Variants in NBEAL1 observed in about 807,000 individuals in gnomAD.
NBEAL1 encodes the protein neurobeachin-like protein 1.
NBEAL1 carries 273 observed loss-of-function variants against 351.3 expected under a neutral mutation model. The ratio of observed to expected loss-of-function variants is 0.78; its 90% CI spans 0.70 to 0.86. The LOEUF is 0.86. Among genes scored for constraint, NBEAL1 ranks in the 40% least tolerant of loss-of-function variants. The pLI is 0.00. For synonymous variants in NBEAL1, 1,050 were observed against 1,086.4 expected (o/e 0.97, Z 0.66); for missense variants, 2,961 against 3,201.3 (o/e 0.92, Z 1.81).
chr2:203,097,549 A>G lies in NBEAL1; in HGVS notation c.1101A>G (p.Leu367=), dbSNP rs1225507024. ...ATTCTTGTCTCTGTTTTTAACAGCTATTTTTAAATGCTAACAATAAGGTGG... is the reference window on the plus strand; with the variant it reads ...ATTCTTGTCTCTGTTTTTAACAGCTGTTTTTAAATGCTAACAATAAGGTGG... The part of the protein sequence containing the change: ...HLIRLLQNCK[L]FLNANNKVAD... Residue 367 remains leucine (L), a splice_region_variant and synonymous_variant, in exon 11 of 56, where the codon CTA becomes CTG. Coordinates refer to ENST00000683969, the MANE Select transcript of NBEAL1 (RefSeq NM_001378026.1). The G allele has an allele frequency of 9.1e-6, 9 of 983,914 alleles. No individual in the cohort carries two copies. In the South Asian group the frequency reaches 1.4e-4, roughly 15 times the overall value. The allele number at this position is 983,914 out of a possible 1,614,324, so 60.9% of individuals were successfully genotyped here. A position where few individuals can be genotyped will look rare whatever the true frequency, so the allele number is the denominator to read the frequency against.
At chr2:203,206,145 A>G (rs1559064921) in intron 51 of NBEAL1, among the ~76,000 whole-genome samples, 1 of 152,246 alleles carries the variant, frequency 6.6e-6, no homozygotes, top group Admixed American at 6.5e-5. Context: ...TGGCAGTTCA[A>G]TAAAATGGAA....
Position 203,184,955 on chromosome 2 carries a change from C to T in NBEAL1, c.6705+1567C>T, listed in dbSNP as rs894417087. Among the ~76,000 whole-genome samples, 9 of 151,698 alleles carry T rather than the reference C, an allele frequency of 5.9e-5. No individual in the cohort carries two copies. In the East Asian group the frequency reaches 1.7e-3, roughly 29 times the overall value. On this transcript the variant is annotated intron_variant, in intron 44 of 55. Coordinates refer to ENST00000683969, the MANE Select transcript of NBEAL1 (RefSeq NM_001378026.1). ...ATGATGAATTGCAGTCTGATAATAC[C>T]TGTGCCCTGGTGAACCATTAGGGAC...
chr2:203,143,412 A>C (rs2063431183), intron 31 of NBEAL1, among the ~76,000 whole-genome samples: 1 of 152,236 alleles, frequency 6.6e-6, no homozygotes, highest in Admixed American at 6.5e-5. Context: ...TTTTGATTTC[A>C]AATAACAGAA....
intron 43 of NBEAL1, 62 bp from the exon 44 acceptor site, chr2:203,183,217 T>G (rs895415229): frequency 5.5e-5 from 51 of 920,164 alleles, no homozygotes; most frequent in Non-Finnish European, 7.5e-5. Flanking sequence ...CATTAGTGTT[T>G]GTTTTACTTC....
chr2:203,189,782 T>C (rs1424060145), intron 45 of NBEAL1, among the ~76,000 whole-genome samples: 1 of 152,170 alleles, frequency 6.6e-6, no homozygotes, highest in African/African-American at 2.4e-5. Flanking sequence ...CGTTGCTGAT[T>C]TTTTTGAATT....
intron 52 of NBEAL1, 115 bp downstream of exon 52, chr2:203,208,868 A>G (rs745549030): frequency 3.8e-5 from 28 of 746,570 alleles, no homozygotes; most frequent in Non-Finnish European, 5.8e-5. Flanking sequence ...GTTATACCAT[A>G]CTTGTATAGG....
chr2:203,213,752 C>G (rs1401674742), intron 55 of NBEAL1, 99 bp downstream of exon 55: 2 of 1,540,470 alleles, frequency 1.3e-6, no homozygotes, highest in African/African-American at 2.8e-5. Context: ...TAGGGATAAA[C>G]AAATTAAAAG....
chr2:203,196,998 A>G (rs796705461), intron 47 of NBEAL1, among the ~76,000 whole-genome samples: 10 of 152,360 alleles, frequency 6.6e-5, no homozygotes, highest in African/African-American at 2.4e-4. Flanking sequence ...TATGTATGTC[A>G]GTATAACTTA....
chr2:203,195,584 T>C (rs2065218565), intron 47 of NBEAL1, among the ~76,000 whole-genome samples: 1 of 152,138 alleles, frequency 6.6e-6, no homozygotes. Flanking sequence ...AACATGTAGT[T>C]GTAGTCATGG....
chr2:203,086,988 T>G (rs2061972907), intron 10 of NBEAL1, among the ~76,000 whole-genome samples: 2 of 152,224 alleles, frequency 1.3e-5, no homozygotes, highest in Admixed American at 6.5e-5. Flanking sequence ...TTTTAAACAT[T>G]TCTCAAATAC....
chr2:203,105,784 C>G lies in NBEAL1; in HGVS notation c.1270-1636C>G, dbSNP rs563375169. ...ATTTTAAAAGACATTAATGATTGAA[C>G]TGCAAACTGATAGGATTTACAGTGT... On this transcript the variant is annotated intron_variant, in intron 12 of 55. Transcript: ENST00000683969. Among the ~76,000 whole-genome samples the G allele has an allele frequency of 2.6e-5, 4 of 152,270 alleles. No individual in the cohort carries two copies. The South Asian group carries it at 8.3e-4, about 32-fold the overall frequency.
At position 203,157,736 on chromosome 2, in the gene NBEAL1, T is replaced by G; in HGVS notation, c.5625T>G (p.Leu1875=). The part of the protein sequence containing the change: ...QHSQPSSDTL[L]LEVVKQVKVS... ...CACAGCCTTCCAGTGATACATTGCT[T>G]TTGGAAGTAGTGAAACAAGTAAAAG... Residue 1875 remains leucine (L), a synonymous_variant, in exon 36 of 56, where the codon CTT becomes CTG. Coordinates refer to ENST00000683969, the MANE Select transcript of NBEAL1 (RefSeq NM_001378026.1). 2 of 1,600,570 alleles carry G rather than the reference T, an allele frequency of 1.2e-6. No individual in the cohort carries two copies. Among genetic ancestry groups the G allele is most frequent in the Non-Finnish European group, 1.7e-6 (2 of 1,174,148 alleles).
At chr2:203,040,368 G>C in intron 2 of NBEAL1, 1 of 711,164 alleles carries the variant, frequency 1.4e-6, no homozygotes, top group Non-Finnish European at 2.5e-6. Context: ...AACATGCCAT[G>C]GCCTTTGTTG....
rs541140800 is a variant in NBEAL1, at chr2:203,032,615, G to A, written c.52-9150G>A. 4.5e-4 allele frequency among the ~76,000 whole-genome samples: 67 copies of A among 147,436 alleles called. 1 individual carries two copies. In the South Asian group the frequency reaches 8.8e-3, roughly 19 times the overall value. The stretch of plus-strand genomic sequence containing the variant: ...GCGGAGCTTGCAGTGAGCTGAGATC[G>A]TGCATAAGAACAAAAACCCAAAGAA... On this transcript the variant is annotated intron_variant, in intron 2 of 55. Transcript: ENST00000683969.
At chr2:203,119,245 G>C (rs2062769917) in intron 18 of NBEAL1, among the ~76,000 whole-genome samples, 2 of 150,124 alleles carry the variant, frequency 1.3e-5, no homozygotes, top group Non-Finnish European at 3.0e-5. Flanking sequence ...ATGGCTCATT[G>C]TAGCCTCATC....
At chr2:203,161,426 T>C (rs2063954981) in intron 36 of NBEAL1, among the ~76,000 whole-genome samples, 1 of 150,220 alleles carries the variant, frequency 6.7e-6, no homozygotes, top group African/African-American at 2.5e-5. Flanking sequence ...GTTAGGAGAT[T>C]GAGATCATCC....
At chr2:203,030,559 T>C (rs1231432315) in intron 2 of NBEAL1, among the ~76,000 whole-genome samples, 1 of 152,198 alleles carries the variant, frequency 6.6e-6, no homozygotes, top group Non-Finnish European at 1.5e-5. Flanking sequence ...TCCCTTCTGA[T>C]TCCCAAAGCT....
chr2:203,062,081 C>T lies in NBEAL1; in HGVS notation c.515+4628C>T, dbSNP rs1001716024. The T allele has an allele frequency of 5.5e-6, 2 of 361,370 alleles. No individual in the cohort carries two copies. Among genetic ancestry groups the T allele is most frequent in the East Asian group, 7.8e-5 (1 of 12,864 alleles). The allele number at this position is 361,370 out of a possible 1,614,324, so 22.4% of individuals were successfully genotyped here. A position where few individuals can be genotyped will look rare whatever the true frequency, so the allele number is the denominator to read the frequency against. On this transcript the variant is annotated intron_variant, in intron 6 of 55. Coordinates refer to ENST00000683969, the MANE Select transcript of NBEAL1 (RefSeq NM_001378026.1). The surrounding 1 kb of genome is among the most constrained non-coding windows in gnomAD (Gnocchi z 4.2). ...GATGCATGACATATGAAGACTTTTC[C>T]ACACATTCTGCATACACATGGTTTT...
intron 6 of NBEAL1, among the ~76,000 whole-genome samples, chr2:203,066,533 T>A (rs1189602590): frequency 6.6e-6 from 1 of 152,168 alleles, no homozygotes; most frequent in Non-Finnish European, 1.5e-5. Flanking sequence ...CATTTCCCCC[T>A]TTTCTTTTCG....
Sources: gnomAD v4.1 joint callset for allele counts (sites outside exome capture counted in the v4.1 genomes callset) on GRCh38, gnomAD v4.1.1 for gene constraint, Gnocchi (gnomAD v3.1) non-coding constraint, MANE v1.5 for transcripts, NCBI Gene and HGNC (gene_info 2026-07-23, HGNC 2026-07-21) for gene names.